Variants in CSE1L observed in about 807,000 individuals in gnomAD.
The protein encoded by CSE1L is exportin-2.
Under a neutral mutation model 120.4 loss-of-function variants are expected in CSE1L, and 24 were observed. That is an observed-to-expected ratio of 0.20 (90% CI 0.14 to 0.28). The LOEUF is 0.28. Among genes scored for constraint, CSE1L ranks in the 10% least tolerant of loss-of-function variants. The probability of loss-of-function intolerance (pLI) is 1.00; values close to 1 mark genes in which losing one functional copy is unlikely to be tolerated. For synonymous variants in CSE1L, 402 were observed against 398.3 expected, an observed-to-expected ratio of 1.01 and a Z score of -0.11; for missense variants, 830 against 1,145.2, an observed-to-expected ratio of 0.72 and a Z score of 3.97.
chr20:49,083,623 A>T (rs1399763855), intron 14 of CSE1L, among the ~76,000 whole-genome samples: 1 of 152,156 alleles, frequency 6.6e-6, no homozygotes, highest in African/African-American at 2.4e-5. Flanking sequence ...TTTAATGAAG[A>T]TTGTTCTCGT....
intron 24 of CSE1L, 96 bp downstream of exon 24, chr20:49,095,059 C>T (rs1377713432): frequency 1.4e-5 from 13 of 905,338 alleles, no homozygotes; most frequent in Middle Eastern, 4.3e-4. Context: ...CATTGGTGGG[C>T]GTAATAAAAC....
chr20:49,056,764 A>G (rs2091810763), intron 1 of CSE1L, among the ~76,000 whole-genome samples: 1 of 151,480 alleles, frequency 6.6e-6, no homozygotes, highest in African/African-American at 2.4e-5. Context: ...ACAAAATTGT[A>G]TATATTTGTG....
chr20:49,065,586 A>ATTTTTTTTTTTTTTTTTTTTTT, intron 3 of CSE1L, among the ~76,000 whole-genome samples: 1 of 76,322 alleles, frequency 1.3e-5, no homozygotes, highest in Non-Finnish European at 2.3e-5. Context: ...TAAAATGGAA[A>ATTTTTTTTTTTTTTTTTTTTTT]TTTTTTTTTT....
At chr20:49,071,179 T>A (rs1006601520) in intron 8 of CSE1L, among the ~76,000 whole-genome samples, 2 of 152,064 alleles carry the variant, frequency 1.3e-5, no homozygotes, top group Non-Finnish European at 2.9e-5. Context: ...TCAAATCAGG[T>A]TTTAAGAGTG....
rs112747953 is a variant in CSE1L, at chr20:49,080,261, A to G, written c.1482+1639A>G. 9.4e-3 allele frequency among the ~76,000 whole-genome samples: 1,214 copies of G among 129,216 alleles called. 17 individuals carry two copies. The highest frequency in any genetic ancestry group is 0.033 in the African/African-American group (1,141 of 35,054). The allele number at this position is 129,216 out of a possible 152,430, so 84.8% of individuals were successfully genotyped here. A position where few individuals can be genotyped will look rare whatever the true frequency, so the allele number is the denominator to read the frequency against. Reference sequence around the variant, plus strand: ...ATATCTGGTTGTTTTGTTTTTTTTTATTTTTTTTGTTTTTTTTTTTTTGCT... The same window carrying G: ...ATATCTGGTTGTTTTGTTTTTTTTTGTTTTTTTTGTTTTTTTTTTTTTGCT... On this transcript the variant is annotated intron_variant, in intron 14 of 24. Coordinates refer to ENST00000262982, the MANE Select transcript of CSE1L (RefSeq NM_001316.4).
chr20:49,083,900 C>A, intron 14 of CSE1L, 126 bp from the exon 15 acceptor site: 1 of 920,832 alleles, frequency 1.1e-6, no homozygotes, highest in East Asian at 2.6e-5. Flanking sequence ...AGCAGCATCT[C>A]CTATTATAAC....
chr20:49,080,269 T>G (rs2092001467), intron 14 of CSE1L, among the ~76,000 whole-genome samples: 1 of 150,114 alleles, frequency 6.7e-6, no homozygotes, highest in Non-Finnish European at 1.5e-5. Flanking sequence ...TTATTTTTTT[T>G]GTTTTTTTTT....
intron 10 of CSE1L, 152 bp downstream of exon 10, chr20:49,072,849 A>C (rs2123710017): frequency 1.2e-6 from 1 of 846,302 alleles, no homozygotes; most frequent in East Asian, 2.9e-5. Context: ...AGTATCTGTA[A>C]TGAGTTTTGT....
intron 23 of CSE1L, 59 bp from the exon 24 acceptor site, chr20:49,094,673 G>A: frequency 1.6e-6 from 2 of 1,220,270 alleles, no homozygotes; most frequent in Non-Finnish European, 2.4e-6. Context: ...GCAATTGCTG[G>A]TTTTAAGTCT....
intron 3 of CSE1L, among the ~76,000 whole-genome samples, chr20:49,065,737 GTGCC>G (rs1304111622): frequency 1.3e-5 from 2 of 150,262 alleles, no homozygotes; most frequent in Non-Finnish European, 3.0e-5. Flanking sequence ...GGGATTATAG[GTGCC>G]TGCCACCATG....
intron 2 of CSE1L, among the ~76,000 whole-genome samples, chr20:49,061,942 A>G (rs372042125): frequency 2.4e-4 from 36 of 152,112 alleles, no homozygotes; most frequent in Admixed American, 1.0e-3. Context: ...GACTAGACTG[A>G]CTCAACTAGA....
At chr20:49,057,615 G>C (rs958503344) in intron 1 of CSE1L, among the ~76,000 whole-genome samples, 2 of 151,988 alleles carry the variant, frequency 1.3e-5, no homozygotes, top group South Asian at 4.2e-4. Context: ...ACCATGCCTG[G>C]CTAATTTTTT....
At chr20:49,068,230 A>G (rs1184785703) in intron 6 of CSE1L, among the ~76,000 whole-genome samples, 2 of 152,186 alleles carry the variant, frequency 1.3e-5, no homozygotes, top group Non-Finnish European at 1.5e-5. Context: ...TTTTAGTGCC[A>G]TTATGAACAG....
chr20:49,055,185 A>G (rs1042086061), intron 1 of CSE1L, among the ~76,000 whole-genome samples: 1 of 152,204 alleles, frequency 6.6e-6, no homozygotes, highest in Non-Finnish European at 1.5e-5. Flanking sequence ...TTTGCATACT[A>G]AGTGAGATAA....
intron 16 of CSE1L, among the ~76,000 whole-genome samples, chr20:49,086,258 C>G (rs1338219613): frequency 2.0e-5 from 3 of 151,706 alleles, no homozygotes; most frequent in Non-Finnish European, 4.4e-5. Context: ...CAGTCTGGAT[C>G]AGAAATCCTA....
chr20:49,068,227 G>T (rs756212656), intron 6 of CSE1L, among the ~76,000 whole-genome samples: 9 of 152,064 alleles, frequency 5.9e-5, no homozygotes, highest in Non-Finnish European at 1.0e-4. Context: ...ACTTTTTAGT[G>T]CCATTATGAA....
intron 23 of CSE1L, among the ~76,000 whole-genome samples, chr20:49,094,503 TC>T (rs2092125285): frequency 6.6e-6 from 1 of 152,112 alleles, no homozygotes; most frequent in Non-Finnish European, 1.5e-5. Context: ...CCTTTAAGAG[TC>T]TGATCTAGGT....
intron 19 of CSE1L, 98 bp from the exon 20 acceptor site, chr20:49,090,644 A>G (rs1416019295): frequency 1.1e-6 from 1 of 870,140 alleles, no homozygotes; most frequent in Non-Finnish European, 1.9e-6. Context: ...AGGATAGATT[A>G]TTACAGTATG....
rs982881130 is a variant in CSE1L at position 49,075,444 on chromosome 20, C to T, written c.1259C>T (p.Pro420Leu). ...NSMLQEYAKN[P>L]SVNWKHKDAA... Reference sequence around the variant, plus strand: ...ATGCTGCAGGAATACGCAAAAAATCCATCTGTCAACTGGAAACACAAAGAT... The same window carrying T: ...ATGCTGCAGGAATACGCAAAAAATCTATCTGTCAACTGGAAACACAAAGAT... Residue 420 changes from proline (P) to leucine (L), a missense_variant, in exon 12 of 25, where the codon CCA (proline) becomes CTA (leucine). By Grantham distance (98) the Pro-to-Leu change is moderately conservative. This residue lies in a region of CSE1L where 543 missense variants were observed against 640.2 expected (regional missense o/e 0.85). Transcript: ENST00000262982. The T allele has an allele frequency of 1.2e-6, 2 of 1,613,950 alleles. No homozygotes were observed. Among genetic ancestry groups the T allele is most frequent in the African/African-American group, 2.7e-5 (2 of 74,892 alleles).
Sources: gnomAD v4.1 joint callset for allele counts (sites outside exome capture counted in the v4.1 genomes callset) on GRCh38, gnomAD v4.1.1 for gene constraint, gnomAD v4.1.1 regional missense constraint, MANE v1.5 for transcripts, NCBI Gene and HGNC (gene_info 2026-07-23, HGNC 2026-07-21) for gene names.